CACNA1C: variants seen among roughly 807,000 people sequenced by gnomAD.
The protein encoded by CACNA1C is voltage-dependent L-type calcium channel subunit alpha-1C.
CACNA1C carries 30 observed loss-of-function variants against 229.0 expected under a neutral mutation model. The observed-to-expected ratio is 0.13, with a 90% CI of 0.10 to 0.18. The LOEUF is 0.18. Ranked by LOEUF, CACNA1C falls within the 10% of genes least tolerant of loss-of-function variation. CACNA1C has a pLI of 1.00. For missense variants in CACNA1C, 1,658 were observed against 2,845.0 expected, an observed-to-expected ratio of 0.58 and a Z score of 9.49; for synonymous variants, 1,114 against 1,132.5, an observed-to-expected ratio of 0.98 and a Z score of 0.33.
At chr12:2,592,968 A>G (rs2066123079) in intron 18 of CACNA1C, among the ~76,000 whole-genome samples, 1 of 152,058 alleles carries the variant, frequency 6.6e-6, no homozygotes, top group Non-Finnish European at 1.5e-5. Context: ...TGGGAATTTT[A>G]GTTTTAAAAC....
chr12:2,516,592 T>C (rs1375428740), intron 9 of CACNA1C, among the ~76,000 whole-genome samples: 3 of 152,056 alleles, frequency 2.0e-5, no homozygotes, highest in Admixed American at 6.6e-5. Context: ...GATGATGTCA[T>C]TTGCAGACGC....
At chr12:2,400,603 T>C (rs193245288) in intron 3 of CACNA1C, among the ~76,000 whole-genome samples, 2 of 152,322 alleles carry the variant, frequency 1.3e-5, no homozygotes, top group African/African-American at 4.8e-5. Flanking sequence ...GTGCTTAGCA[T>C]GGCATCTTCT....
At chr12:1,976,585 C>T (rs1592922095) in intron 1 of CACNA1C, among the ~76,000 whole-genome samples, 1 of 152,056 alleles carries the variant, frequency 6.6e-6, no homozygotes, top group Non-Finnish European at 1.5e-5. Context: ...GGGCAGATCC[C>T]GAAGAGAAAT....
chr12:2,288,083 C>G (rs2092973036), intron 3 of CACNA1C: 3 of 151,892 alleles, frequency 2.0e-5, no homozygotes, highest in African/African-American at 7.3e-5. Flanking sequence ...ACTGAATCAT[C>G]AAAGGGAACC....
intron 3 of CACNA1C, among the ~76,000 whole-genome samples, chr12:2,411,244 TG>T (rs2098804106): frequency 6.6e-6 from 1 of 151,384 alleles, no homozygotes; most frequent in African/African-American, 2.4e-5. Flanking sequence ...AGCCCTGCGG[TG>T]GAGAGCTGCA....
intron 30 of CACNA1C, among the ~76,000 whole-genome samples, chr12:2,648,076 T>A (rs965262719): frequency 6.6e-6 from 1 of 152,158 alleles, no homozygotes; most frequent in Non-Finnish European, 1.5e-5. Context: ...AGTTCAAGGC[T>A]GCAGTGAGCT....
At chr12:2,184,222 G>T (rs568065316) in intron 3 of CACNA1C, among the ~76,000 whole-genome samples, 2 of 152,190 alleles carry the variant, frequency 1.3e-5, no homozygotes, top group Non-Finnish European at 2.9e-5. Context: ...TTTAGCAGCC[G>T]AAGGGACTTG....
At chr12:1,984,079 A>G (rs1046869628) in intron 1 of CACNA1C, among the ~76,000 whole-genome samples, 1 of 152,002 alleles carries the variant, frequency 6.6e-6, no homozygotes, top group African/African-American at 2.4e-5. Context: ...TTTGCATGGT[A>G]TATCTTTCTT....
chr12:2,671,309 G>A (rs918967933), intron 38 of CACNA1C, among the ~76,000 whole-genome samples: 5 of 152,122 alleles, frequency 3.3e-5, no homozygotes, highest in South Asian at 2.1e-4. Context: ...CACCGCGCCC[G>A]GCCAAAACAC....
chr12:2,104,604 T>C (rs908534333), intron 1 of CACNA1C, among the ~76,000 whole-genome samples: 5 of 152,204 alleles, frequency 3.3e-5, no homozygotes, highest in Admixed American at 3.3e-4. Flanking sequence ...CTTCCAATAC[T>C]ATGTTGAATA....
intron 38 of CACNA1C, among the ~76,000 whole-genome samples, chr12:2,670,676 T>C (rs908981210): frequency 2.0e-5 from 3 of 151,918 alleles, no homozygotes; most frequent in Non-Finnish European, 4.4e-5. Context: ...CTGGCCAACA[T>C]GGTGAAACCT....
chr12:2,359,085 T>G (rs1176052293), intron 3 of CACNA1C, among the ~76,000 whole-genome samples: 5 of 152,200 alleles, frequency 3.3e-5, no homozygotes, highest in African/African-American at 1.2e-4. Context: ...TTGCCTTCCT[T>G]AAAAATCTTC....
At chr12:2,680,698 C>T (rs2097105416) in intron 42 of CACNA1C, 2 of 750,304 alleles carry the variant, frequency 2.7e-6, no homozygotes, top group Non-Finnish European at 4.3e-6. Flanking sequence ...CCTGTCCCTG[C>T]AGAGGGCCCA....
chr12:2,214,488 G>T (rs983887261), intron 3 of CACNA1C, among the ~76,000 whole-genome samples: 2 of 152,010 alleles, frequency 1.3e-5, no homozygotes, highest in African/African-American at 4.8e-5. Context: ...CACTGATCTC[G>T]TGAACTAGGA....
chr12:2,688,985 G>GGCCC (rs2097670703), intron 46 of CACNA1C, among the ~76,000 whole-genome samples: 1 of 152,126 alleles, frequency 6.6e-6, no homozygotes, highest in Non-Finnish European at 1.5e-5. Context: ...TCTTGAGGCT[G>GGCCC]GGCCCACTGC....
At chr12:2,645,842 G>A (rs1284539666) in intron 30 of CACNA1C, among the ~76,000 whole-genome samples, 1 of 152,186 alleles carries the variant, frequency 6.6e-6, no homozygotes, top group Non-Finnish European at 1.5e-5. Context: ...ACTCAAAAAT[G>A]CCCTGTGAAC....
intron 34 of CACNA1C, among the ~76,000 whole-genome samples, chr12:2,662,917 C>CA (rs928519494): frequency 1.3e-5 from 2 of 152,252 alleles, no homozygotes; most frequent in African/African-American, 4.8e-5. Flanking sequence ...ATAGTATTAA[C>CA]AAAATGACTT....
intron 3 of CACNA1C, among the ~76,000 whole-genome samples, chr12:2,191,046 C>T (rs897694480): frequency 9.9e-5 from 15 of 152,234 alleles, no homozygotes; most frequent in East Asian, 5.8e-4. Context: ...GGTCCAGTGC[C>T]GTGCCCAGGA....
intron 2 of CACNA1C, 148 bp from the exon 3 acceptor site, chr12:2,120,175 CAT>C (rs2085928873): frequency 3.1e-6 from 2 of 653,820 alleles, no homozygotes; most frequent in African/African-American, 3.7e-5. Flanking sequence ...CTTAAAAAGG[CAT>C]ATGTTTCTTT....
Sources: allele counts gnomAD v4.1 joint callset (sites outside exome capture counted in the v4.1 genomes callset), GRCh38; gene constraint gnomAD v4.1.1; transcripts MANE v1.5; gene names NCBI Gene and HGNC (gene_info 2026-07-23, HGNC 2026-07-21).